MTCL3: variants seen among roughly 807,000 people sequenced by gnomAD.
MTCL3 encodes the protein MTCL family member 3.
At chr6:127,476,555 A>C in the MTCL3 span, 1 of 1,105,080 alleles carries the variant, frequency 9.0e-7, no homozygotes. The surrounding 1 kb of genome is among the most constrained non-coding windows in gnomAD (Gnocchi z 4.4). Flanking sequence ...CTGGATAAAT[A>C]ATTTTTCTTG....
chr6:127,516,791 A>C, the MTCL3 span: 1 of 1,108,996 alleles, frequency 9.0e-7, no homozygotes, highest in Non-Finnish European at 1.2e-6. Context: ...GATGGCGCTT[A>C]ATAGAAGCTT....
the MTCL3 span, chr6:127,516,468 C>G: frequency 7.8e-4 from 1,248 of 1,599,770 alleles, 8 homozygotes; most frequent in African/African-American, 0.015. Context: ...TCTGTCGCAG[C>G]GAACTGTCCC....
chr6:127,515,628 C>T, the MTCL3 span: 1 of 1,419,686 alleles, frequency 7.0e-7, no homozygotes, highest in Non-Finnish European at 9.2e-7. This position sits in a 1 kb window ranked among gnomAD's most constrained non-coding sequence, Gnocchi z 4.3. Context: ...CCTGCATGCC[C>T]CCGCCGCTCG....
chr6:127,506,080 G>A, the MTCL3 span, among the ~76,000 whole-genome samples: 2 of 152,070 alleles, frequency 1.3e-5, no homozygotes, highest in Non-Finnish European at 2.9e-5. Context: ...TTTGCTCAAG[G>A]TCATAGGGAA....
chr6:127,486,771 G>T, the MTCL3 span, among the ~76,000 whole-genome samples: 1 of 152,112 alleles, frequency 6.6e-6, no homozygotes, highest in African/African-American at 2.4e-5. Context: ...TCACAGCAAT[G>T]ATATAAAATG....
At chr6:127,476,059 G>A in the MTCL3 span, 1 of 1,613,202 alleles carries the variant, frequency 6.2e-7, no homozygotes, top group Non-Finnish European at 8.5e-7. This position sits in a 1 kb window ranked among gnomAD's most constrained non-coding sequence, Gnocchi z 4.4. Context: ...CAGCAGCTCC[G>A]TCTCGTCTTC....
the MTCL3 span, chr6:127,481,206 G>A: frequency 2.8e-6 from 2 of 722,152 alleles, no homozygotes; most frequent in Non-Finnish European, 3.4e-6. Context: ...GGAAGTGTAA[G>A]AATAGGACAA....
At chr6:127,507,586 T>C in the MTCL3 span, among the ~76,000 whole-genome samples, 1 of 151,940 alleles carries the variant, frequency 6.6e-6, no homozygotes, top group African/African-American at 2.4e-5. Flanking sequence ...CATAAATACA[T>C]CTTTAAAAAT....
chr6:127,475,442 C>T, the MTCL3 span: 2 of 1,613,128 alleles, frequency 1.2e-6, no homozygotes, highest in South Asian at 1.1e-5. The surrounding 1 kb of genome is among the most constrained non-coding windows in gnomAD (Gnocchi z 7.3). Context: ...ATGCGGCTGC[C>T]GTCGTCCTCC....
the MTCL3 span, among the ~76,000 whole-genome samples, chr6:127,497,260 A>G: frequency 6.6e-6 from 1 of 152,242 alleles, no homozygotes; most frequent in Non-Finnish European, 1.5e-5. Context: ...TTTCCCCAGT[A>G]CATGCATAAG....
At chr6:127,490,607 A>G in the MTCL3 span, among the ~76,000 whole-genome samples, 40 of 152,074 alleles carry the variant, frequency 2.6e-4, 2 homozygotes, top group East Asian at 7.7e-3. Context: ...TCATGAGGTC[A>G]AGAGATTGAG....
At chr6:127,476,326 A>G in the MTCL3 span, 1 of 1,614,096 alleles carries the variant, frequency 6.2e-7, no homozygotes, top group Non-Finnish European at 8.5e-7. The surrounding 1 kb of genome is among the most constrained non-coding windows in gnomAD (Gnocchi z 4.4). Flanking sequence ...AGGACTGTCC[A>G]GATCCCCATA....
At chr6:127,490,270 C>T in the MTCL3 span, among the ~76,000 whole-genome samples, 9 of 152,106 alleles carry the variant, frequency 5.9e-5, no homozygotes, top group Non-Finnish European at 1.0e-4. Context: ...GATTACTGCT[C>T]GTTGATAATG....
chr6:127,475,931 C>G, the MTCL3 span: 8 of 1,612,828 alleles, frequency 5.0e-6, no homozygotes, highest in Admixed American at 1.7e-5. The surrounding 1 kb of genome is among the most constrained non-coding windows in gnomAD (Gnocchi z 7.3). Context: ...TGCAGGGCCT[C>G]GGTCTTGGCG....
At chr6:127,480,938 T>C in the MTCL3 span, among the ~76,000 whole-genome samples, 1 of 152,218 alleles carries the variant, frequency 6.6e-6, no homozygotes, top group Admixed American at 6.5e-5. Flanking sequence ...TTGGAAATGA[T>C]AGCAGAAACT....
chr6:127,478,957 C>T, the MTCL3 span, among the ~76,000 whole-genome samples: 1 of 140,872 alleles, frequency 7.1e-6, no homozygotes, highest in Non-Finnish European at 1.5e-5. Flanking sequence ...GCAGAGGTTG[C>T]AGTAAGCCGA....
chr6:127,516,057 G>C, the MTCL3 span: 19 of 1,536,828 alleles, frequency 1.2e-5, no homozygotes, highest in Non-Finnish European at 1.6e-5. Context: ...GCTGCGGAGC[G>C]CCCCCCTCCC....
the MTCL3 span, among the ~76,000 whole-genome samples, chr6:127,509,793 C>A: frequency 6.6e-6 from 1 of 152,176 alleles, no homozygotes; most frequent in East Asian, 1.9e-4. Context: ...AACCCTTATC[C>A]ACAGAGTAAG....
the MTCL3 span, chr6:127,481,420 G>A: frequency 1.0e-6 from 1 of 985,420 alleles, no homozygotes; most frequent in East Asian, 1.1e-4. Context: ...GGTCTTGGCT[G>A]TGAGACTCTC....
Sources: gnomAD v4.1 joint callset for allele counts (sites outside exome capture counted in the v4.1 genomes callset) on GRCh38, gnomAD v4.1.1 for gene constraint, Gnocchi (gnomAD v3.1) non-coding constraint, MANE v1.5 for transcripts, NCBI Gene and HGNC (gene_info 2026-07-23, HGNC 2026-07-21) for gene names.